NALF1: variants seen among roughly 807,000 people sequenced by gnomAD.
NALF1 encodes the protein NALCN channel auxiliary factor 1.
In NALF1, 3 loss-of-function variants were observed where a neutral mutation model predicts 48.4. That is an observed-to-expected ratio of 0.06 (90% CI 0.03 to 0.16). The LOEUF (loss-of-function observed/expected upper bound fraction) is 0.16. Among genes scored for constraint, NALF1 ranks in the 10% least tolerant of loss-of-function variants. NALF1 has a pLI of 1.00. For missense variants in NALF1, 526 were observed against 571.5 expected (o/e 0.92, Z 0.81); for synonymous variants, 262 against 245.7 (o/e 1.07, Z -0.62).
chr13:107,667,319 C>T (rs1261856758), intron 1 of NALF1, among the ~76,000 whole-genome samples: 1 of 151,932 alleles, frequency 6.6e-6, no homozygotes, highest in African/African-American at 2.4e-5. Context: ...ATATTTATAT[C>T]CTTCAAGTCA....
chr13:107,803,444 C>T (rs1314587073), intron 1 of NALF1, among the ~76,000 whole-genome samples: 1 of 152,074 alleles, frequency 6.6e-6, no homozygotes, highest in Non-Finnish European at 1.5e-5. Context: ...TGTGACCTAA[C>T]ATGGATTAAG....
At chr13:107,667,800 C>A (rs1880897470) in intron 1 of NALF1, among the ~76,000 whole-genome samples, 1 of 152,206 alleles carries the variant, frequency 6.6e-6, no homozygotes, top group Middle Eastern at 3.4e-3. Context: ...AATAGTTTCA[C>A]AGCAAAAGAG....
chr13:107,610,033 G>T (rs968719554), intron 1 of NALF1, among the ~76,000 whole-genome samples: 4 of 152,124 alleles, frequency 2.6e-5, no homozygotes, highest in African/African-American at 9.7e-5. Flanking sequence ...GTGATGAAAT[G>T]AATACAAATG....
intron 1 of NALF1, among the ~76,000 whole-genome samples, chr13:107,698,528 T>C (rs1435066343): frequency 1.3e-5 from 2 of 152,124 alleles, no homozygotes; most frequent in Admixed American, 6.6e-5. Flanking sequence ...ATATAATCCA[T>C]TGCATTATAT....
rs10710356 is a variant in NALF1, at chr13:107,403,188, C to CT, written c.916-192434dup. On this transcript the variant is annotated intron_variant, in intron 1 of 2. Coordinates refer to ENST00000375915, the MANE Select transcript of NALF1 (RefSeq NM_001080396.3). Reference sequence around the variant, plus strand: ...TTCTGCTTGGTTTCTCTTGTTCGGGCTTTTTTTTTTTTTTTTTTTTTTTTT... The same window carrying CT: ...TTCTGCTTGGTTTCTCTTGTTCGGGCTTTTTTTTTTTTTTTTTTTTTTTTTT... Among the ~76,000 whole-genome samples, 241 of 42,466 alleles carry CT rather than the reference C, an allele frequency of 5.7e-3. 3 individuals are homozygous for CT. Among genetic ancestry groups the CT allele is most frequent in the African/African-American group, 0.015 (174 of 11,662 alleles). 27.9% of individuals were successfully genotyped at this position (42,466 alleles called of 152,430 possible). A position where few individuals can be genotyped will look rare whatever the true frequency, so the allele number is the denominator to read the frequency against.
At chr13:107,223,437 TC>T (rs1880035809) in intron 1 of NALF1, among the ~76,000 whole-genome samples, 2 of 152,200 alleles carry the variant, frequency 1.3e-5, no homozygotes, top group Non-Finnish European at 2.9e-5. Context: ...CTGTATTTCC[TC>T]AGTAAATACT....
At chr13:107,271,839 T>C (rs1881183378) in intron 1 of NALF1, among the ~76,000 whole-genome samples, 1 of 146,248 alleles carries the variant, frequency 6.8e-6, no homozygotes, top group Non-Finnish European at 1.5e-5. Flanking sequence ...TATATACAAA[T>C]ATCTCACACT....
intron 1 of NALF1, among the ~76,000 whole-genome samples, chr13:107,610,944 C>A (rs1322027800): frequency 1.3e-5 from 2 of 152,036 alleles, no homozygotes; most frequent in East Asian, 1.9e-4. Context: ...TAAAACCCAA[C>A]CGTATGTTTT....
At chr13:107,553,950 T>C (rs1036982490) in intron 1 of NALF1, among the ~76,000 whole-genome samples, 3 of 152,230 alleles carry the variant, frequency 2.0e-5, no homozygotes, top group African/African-American at 7.2e-5. Flanking sequence ...ATCCATGCAC[T>C]GACACAGCCA....
intron 1 of NALF1, among the ~76,000 whole-genome samples, chr13:107,784,978 T>C (rs905757428): frequency 6.6e-6 from 1 of 152,010 alleles, no homozygotes; most frequent in Admixed American, 6.6e-5. Flanking sequence ...CAATTCACAA[T>C]TGCAAAATCG....
chr13:107,223,343 T>G (rs1022490660), intron 1 of NALF1, among the ~76,000 whole-genome samples: 2 of 152,188 alleles, frequency 1.3e-5, no homozygotes, highest in African/African-American at 4.8e-5. Context: ...ATAACTCATT[T>G]TTTTTTGCAG....
intron 1 of NALF1, among the ~76,000 whole-genome samples, chr13:107,610,286 T>C (rs112344853): frequency 1.3e-5 from 2 of 152,188 alleles, no homozygotes; most frequent in Non-Finnish European, 2.9e-5. Context: ...TCACTCACAT[T>C]GTACGAGAAG....
chr13:107,430,382 T>C (rs1409712568), intron 1 of NALF1, among the ~76,000 whole-genome samples: 1 of 152,126 alleles, frequency 6.6e-6, no homozygotes, highest in East Asian at 1.9e-4. Context: ...GTTGGTGTGC[T>C]ACACCCATTA....
intron 1 of NALF1, among the ~76,000 whole-genome samples, chr13:107,637,775 T>C (rs1880017756): frequency 6.6e-6 from 1 of 152,088 alleles, no homozygotes; most frequent in Non-Finnish European, 1.5e-5. Flanking sequence ...GATGCTAAAA[T>C]GCAAGTTTTT....
At chr13:107,234,960 C>T (rs566873336) in intron 1 of NALF1, among the ~76,000 whole-genome samples, 2 of 152,202 alleles carry the variant, frequency 1.3e-5, no homozygotes, top group African/African-American at 4.8e-5. Context: ...GCTCCCATGC[C>T]CCACCGCCTC....
chr13:107,323,773 C>T lies in NALF1; in HGVS notation c.916-113018G>A, dbSNP rs117029084. ...TGCTTGTCCCTGGTCTTATGTTTAT[C>T]CTTCCTTCTTTGCCCAACTTTTTGT... is the stretch of plus-strand genomic sequence containing the variant. On this transcript the variant is annotated intron_variant, in intron 1 of 2. Coordinates refer to ENST00000375915, the MANE Select transcript of NALF1 (RefSeq NM_001080396.3). Among the ~76,000 whole-genome samples, 144 of 152,278 alleles carry T rather than the reference C, an allele frequency of 9.5e-4. 1 individual carries two copies. The East Asian group carries it at 0.025, about 27-fold the overall frequency.
intron 1 of NALF1, among the ~76,000 whole-genome samples, chr13:107,553,054 TATAA>T (rs1453711760): frequency 6.6e-6 from 1 of 152,086 alleles, no homozygotes; most frequent in Non-Finnish European, 1.5e-5. Flanking sequence ...CTCTCATAAA[TATAA>T]ATAGATGAAT....
intron 1 of NALF1, among the ~76,000 whole-genome samples, chr13:107,487,666 CT>C (rs1251279215): frequency 6.6e-6 from 1 of 152,268 alleles, no homozygotes; most frequent in African/African-American, 2.4e-5. Flanking sequence ...GGATATGCTG[CT>C]GGATTCAGTT....
chr13:107,225,815 GCA>G (rs1017298854), intron 1 of NALF1, among the ~76,000 whole-genome samples: 1 of 151,932 alleles, frequency 6.6e-6, no homozygotes, highest in African/African-American at 2.4e-5. Context: ...CTCGCCATAT[GCA>G]CACACACGCA....
Sources: allele counts gnomAD v4.1 joint callset (sites outside exome capture counted in the v4.1 genomes callset), GRCh38; gene constraint gnomAD v4.1.1; transcripts MANE v1.5; gene names NCBI Gene and HGNC (gene_info 2026-07-23, HGNC 2026-07-21).